The following EHMT1 variants were observed in gnomAD, a reference collection of about 807,000 sequenced individuals.
EHMT1 encodes the protein euchromatic histone lysine methyltransferase 1, also known as histone-lysine N-methyltransferase EHMT1.
A neutral mutation model predicts 147.2 loss-of-function variants in EHMT1; 15 were observed. That is an observed-to-expected ratio of 0.10 (90% CI 0.07 to 0.16). The LOEUF (loss-of-function observed/expected upper bound fraction) is 0.16. Ranked by LOEUF, EHMT1 falls within the 10% of genes least tolerant of loss-of-function variation. The pLI, the probability that EHMT1 is intolerant of heterozygous loss-of-function variation, is 1.00. For synonymous variants in EHMT1, 795 were observed against 709.6 expected (o/e 1.12, Z -1.91); for missense variants, 1,587 against 1,772.4 (o/e 0.90, Z 1.88).
Position 137,776,784 on chromosome 9 carries a change from C to T in EHMT1, c.1958C>T (p.Pro653Leu). 6.2e-7 allele frequency: 1 copy of T among 1,614,056 alleles called. No homozygotes were observed. Among genetic ancestry groups the T allele is most frequent in the Non-Finnish European group, 8.5e-7 (1 of 1,180,018 alleles). The stretch of plus-strand genomic sequence containing the variant: ...GCAGACACCACCTCGACCGTGACAC[C>T]AGTCCCCGGGCAGGAGAAGGGCTCG... Reference protein sequence around the residue: ...AKADTTSTVTPVPGQEKGSAL... With the variant: ...AKADTTSTVTLVPGQEKGSAL... Residue 653 changes from proline to leucine, a missense_variant, in exon 12 of 27, where the codon CCA becomes CTA. Transcript: ENST00000460843. The surrounding 1 kb of genome is among the most constrained non-coding windows in gnomAD (Gnocchi z 4.4).
intron 1 of EHMT1, among the ~76,000 whole-genome samples, chr9:137,623,848 T>C (rs1025748764): frequency 2.6e-5 from 4 of 152,142 alleles, no homozygotes; most frequent in African/African-American, 9.7e-5. Context: ...TTTGGTCTTT[T>C]TTCTTTTTGA....
At chr9:137,678,021 A>G (rs2134451210) in intron 1 of EHMT1, among the ~76,000 whole-genome samples, 1 of 152,242 alleles carries the variant, frequency 6.6e-6, no homozygotes, top group East Asian at 1.9e-4. Context: ...GTGAACCAAG[A>G]TGGCGCCACT....
intron 1 of EHMT1, among the ~76,000 whole-genome samples, chr9:137,668,991 A>C (rs1940064422): frequency 6.6e-6 from 1 of 152,128 alleles, no homozygotes; most frequent in African/African-American, 2.4e-5. Flanking sequence ...GGTTCTCGCC[A>C]TTCTTGTGCC....
chr9:137,809,165 G>GGGAACAGT (rs1361199822), intron 18 of EHMT1, among the ~76,000 whole-genome samples: 1 of 152,190 alleles, frequency 6.6e-6, no homozygotes, highest in African/African-American at 2.4e-5. Context: ...TAGAAGTCAA[G>GGGAACAGT]GGAACAGTGA....
intron 10 of EHMT1, among the ~76,000 whole-genome samples, chr9:137,769,628 C>G (rs534112149): frequency 6.6e-5 from 10 of 151,194 alleles, no homozygotes; most frequent in African/African-American, 2.4e-4. Flanking sequence ...TACTATATGT[C>G]ATTTTTCTCT....
At chr9:137,791,507 C>T (rs1952523750) in intron 16 of EHMT1, among the ~76,000 whole-genome samples, 1 of 152,136 alleles carries the variant, frequency 6.6e-6, no homozygotes, top group Non-Finnish European at 1.5e-5. Context: ...GTTTCATTTA[C>T]AGTAGCATCA....
chr9:137,686,596 C>G (rs1942454197), intron 1 of EHMT1, among the ~76,000 whole-genome samples: 1 of 151,828 alleles, frequency 6.6e-6, no homozygotes, highest in African/African-American at 2.4e-5. Context: ...TGCCATGTTG[C>G]CCATGCTGAT....
intron 1 of EHMT1, among the ~76,000 whole-genome samples, chr9:137,698,808 G>A (rs1014765332): frequency 1.3e-5 from 2 of 152,072 alleles, no homozygotes; most frequent in Non-Finnish European, 2.9e-5. Flanking sequence ...TTATGGGCTT[G>A]TCTTTGAATA....
rs545763068 is a variant in EHMT1, at chr9:137,751,755, G to T, written c.1171-576G>T. Reference sequence around the variant, plus strand: ...TATTCACAGAACTGTTGAGTGTCCTGCCATCTGTGCAGACTAGAAATGCAC... The same window carrying T: ...TATTCACAGAACTGTTGAGTGTCCTTCCATCTGTGCAGACTAGAAATGCAC... On this transcript the variant is annotated intron_variant, in intron 6 of 26. Transcript: ENST00000460843. 3.9e-5 allele frequency among the ~76,000 whole-genome samples: 6 copies of T among 152,330 alleles called. No individual in the cohort carries two copies. The South Asian group carries it at 1.2e-3, about 32-fold the overall frequency.
chr9:137,658,331 A>G (rs1369771327), intron 1 of EHMT1, among the ~76,000 whole-genome samples: 2 of 152,012 alleles, frequency 1.3e-5, no homozygotes, highest in African/African-American at 4.8e-5. Context: ...TTGTATTTTT[A>G]GTAGAGACGG....
At chr9:137,743,024 G>T (rs4369059) in intron 4 of EHMT1, 27,709 of 345,768 alleles carry the variant, frequency 0.08, 3,597 homozygotes, top group African/African-American at 0.38. Flanking sequence ...CATTCCATGT[G>T]CAAAGCCAAG....
rs1182923132 is a variant in EHMT1, at chr9:137,828,896, T to C, written c.3541-5453T>C. ...CCCTCCTGCTTGCTGCGTGGGGGCT[T>C]GTGGAGCCTGCTAGGAATCCTGGGA... On this transcript the variant is annotated intron_variant, in intron 25 of 26. Coordinates refer to ENST00000460843, the MANE Select transcript of EHMT1 (RefSeq NM_024757.5). This position sits in a 1 kb window ranked among gnomAD's most constrained non-coding sequence, Gnocchi z 5.3. 6.6e-6 allele frequency among the ~76,000 whole-genome samples: 1 copy of C among 152,106 alleles called. No individual in the cohort carries two copies. The highest frequency in any genetic ancestry group is 1.5e-5 in the Non-Finnish European group (1 of 67,998).
intron 1 of EHMT1, among the ~76,000 whole-genome samples, chr9:137,681,205 C>T (rs1490801232): frequency 4.6e-5 from 7 of 152,194 alleles, no homozygotes; most frequent in Non-Finnish European, 7.3e-5. Flanking sequence ...GTTCAGTTCT[C>T]TGTCCCCGGG....
chr9:137,743,009 G>A (rs779330994), intron 4 of EHMT1: 1 of 337,494 alleles, frequency 3.0e-6, no homozygotes, highest in South Asian at 2.5e-5. Context: ...CTTCTCAAGG[G>A]TAGTCATTCC....
chr9:137,752,237 C>G (rs922350033), intron 6 of EHMT1, 94 bp from the exon 7 acceptor site: 2 of 1,445,204 alleles, frequency 1.4e-6, no homozygotes, highest in Non-Finnish European at 1.9e-6. Context: ...GTGCCCGTTT[C>G]GAGGTTTGCT....
At chr9:137,831,017 G>C (rs1040889692) in intron 25 of EHMT1, among the ~76,000 whole-genome samples, 2 of 152,148 alleles carry the variant, frequency 1.3e-5, no homozygotes, top group African/African-American at 2.4e-5. Context: ...GTCTGGGGAG[G>C]GTTTCCTGGT....
At chr9:137,743,733 C>T (rs1948308465) in intron 5 of EHMT1, among the ~76,000 whole-genome samples, 169 bp from the exon 6 acceptor site, 2 of 152,194 alleles carry the variant, frequency 1.3e-5, no homozygotes. Flanking sequence ...TCACCACAGC[C>T]CACCTGTCTG....
At chr9:137,825,444 T>C (rs1387598614) in intron 25 of EHMT1, among the ~76,000 whole-genome samples, 1 of 152,160 alleles carries the variant, frequency 6.6e-6, no homozygotes, top group African/African-American at 2.4e-5. Flanking sequence ...GGCTGGGTCA[T>C]GTGTGAGTGA....
chr9:137,658,594 T>A (rs1292673516), intron 1 of EHMT1, among the ~76,000 whole-genome samples: 1 of 152,124 alleles, frequency 6.6e-6, no homozygotes, highest in East Asian at 1.9e-4. Flanking sequence ...TGGCTTTTTA[T>A]AAAATTGCAT....
Sources: allele counts gnomAD v4.1 joint callset (sites outside exome capture counted in the v4.1 genomes callset), GRCh38; gene constraint gnomAD v4.1.1; non-coding constraint Gnocchi (gnomAD v3.1); transcripts MANE v1.5; gene names NCBI Gene and HGNC (gene_info 2026-07-23, HGNC 2026-07-21).